KLRG1: variants seen among roughly 807,000 people sequenced by gnomAD.
The protein encoded by KLRG1 is killer cell lectin-like receptor subfamily G member 1.
Under a neutral mutation model 21.8 loss-of-function variants are expected in KLRG1, and 16 were observed. That is an observed-to-expected ratio of 0.73 (90% confidence interval 0.50 to 1.11). The LOEUF (loss-of-function observed/expected upper bound fraction) is 1.11. Ranked by LOEUF, KLRG1 falls within the 50% of genes most tolerant of loss-of-function variation. KLRG1 has a pLI of 0.00. For missense variants in KLRG1, 173 were observed against 218.3 expected, an observed-to-expected ratio of 0.79 and a Z score of 1.31; for synonymous variants, 69 against 75.9, an observed-to-expected ratio of 0.91 and a Z score of 0.47.
chr12:9,029,014 T>C, the KLRG1 span: 1 of 598,246 alleles, frequency 1.7e-6, no homozygotes, highest in Non-Finnish European at 3.1e-6. Context: ...CTCTCATTGG[T>C]TGTTTCAAAG....
intron 1 of KLRG1, among the ~76,000 whole-genome samples, chr12:8,981,029 T>A (rs1946746917): frequency 6.6e-6 from 1 of 152,248 alleles, no homozygotes; most frequent in Non-Finnish European, 1.5e-5. Flanking sequence ...TCTGTTTCAC[T>A]GAGTTGCAGC....
chr12:9,200,908 G>T, the KLRG1 span: 1 of 1,612,834 alleles, frequency 6.2e-7, no homozygotes, highest in South Asian at 1.1e-5. Flanking sequence ...CCTCCACGGT[G>T]AAGGGGTGCT....
chr12:9,090,519 G>T, the KLRG1 span: 10 of 1,604,808 alleles, frequency 6.2e-6, no homozygotes, highest in Admixed American at 1.5e-4. Context: ...AGAGAGGGAA[G>T]GAGAACAGAG....
At chr12:8,984,342 A>T (rs1359512817) in intron 1 of KLRG1, among the ~76,000 whole-genome samples, 1 of 152,164 alleles carries the variant, frequency 6.6e-6, no homozygotes, top group African/African-American at 2.4e-5. Flanking sequence ...AGCTGGGACT[A>T]TAGGCATGTG....
At chr12:9,164,394 C>T in the KLRG1 span, 3 of 962,994 alleles carry the variant, frequency 3.1e-6, no homozygotes, top group South Asian at 5.5e-5. Flanking sequence ...TAGATTCATC[C>T]ATGCTTTAAG....
chr12:9,030,009 C>G, the KLRG1 span, among the ~76,000 whole-genome samples: 2 of 152,336 alleles, frequency 1.3e-5, no homozygotes, highest in East Asian at 3.9e-4. Flanking sequence ...CTGCCTTGGC[C>G]TCCCAAAGTG....
chr12:9,104,531 A>AT, the KLRG1 span: 1 of 933,196 alleles, frequency 1.1e-6, no homozygotes. Context: ...ACAGCAGTGA[A>AT]AAAAAACGAA....
chr12:9,094,889 A>T, the KLRG1 span: 1 of 670,032 alleles, frequency 1.5e-6, no homozygotes, highest in Non-Finnish European at 2.3e-6. Flanking sequence ...TTTGTTTGTT[A>T]ATTTTTGTCA....
At chr12:9,208,807 G>T in the KLRG1 span, among the ~76,000 whole-genome samples, 1 of 152,076 alleles carries the variant, frequency 6.6e-6, no homozygotes, top group African/African-American at 2.4e-5. Flanking sequence ...TTCTTTTTTA[G>T]CAGTTGATTG....
the KLRG1 span, chr12:9,068,693 T>C: frequency 7.0e-7 from 1 of 1,427,658 alleles, no homozygotes; most frequent in Non-Finnish European, 9.7e-7. Flanking sequence ...CCTGAATTTC[T>C]GTGATCAGGA....
the KLRG1 span, among the ~76,000 whole-genome samples, chr12:9,197,280 A>T: frequency 6.6e-6 from 1 of 150,668 alleles, no homozygotes; most frequent in Non-Finnish European, 1.5e-5. Context: ...CTCCCTCAAA[A>T]ATATTAGCCA....
the KLRG1 span, chr12:9,029,060 A>G: frequency 7.6e-6 from 4 of 526,044 alleles, no homozygotes; most frequent in Non-Finnish European, 1.4e-5. Flanking sequence ...TCCGCTGGTC[A>G]GGCTCTTTAG....
chr12:9,121,331 A>G, the KLRG1 span, among the ~76,000 whole-genome samples: 1 of 152,172 alleles, frequency 6.6e-6, no homozygotes, highest in Non-Finnish European at 1.5e-5. The surrounding 1 kb of genome is among the most constrained non-coding windows in gnomAD (Gnocchi z 4.4). Flanking sequence ...TCATGAGGTC[A>G]AGAGATTGAG....
At chr12:9,061,474 C>T in the KLRG1 span, among the ~76,000 whole-genome samples, 1 of 152,018 alleles carries the variant, frequency 6.6e-6, no homozygotes, top group Non-Finnish European at 1.5e-5. Context: ...AAAGACTTTT[C>T]TTTAGAGGTA....
the KLRG1 span, among the ~76,000 whole-genome samples, chr12:9,183,404 T>C: frequency 1.0e-5 from 1 of 100,116 alleles, no homozygotes; most frequent in African/African-American, 3.0e-5. Flanking sequence ...CTTAAATAAA[T>C]GTAATTTTTT....
chr12:9,182,557 A>T, the KLRG1 span, among the ~76,000 whole-genome samples: 1 of 152,234 alleles, frequency 6.6e-6, no homozygotes, highest in African/African-American at 2.4e-5. Context: ...TGTAAAAAAA[A>T]GTTCATACTA....
At chr12:9,176,395 T>C in the KLRG1 span, among the ~76,000 whole-genome samples, 1 of 152,212 alleles carries the variant, frequency 6.6e-6, no homozygotes, top group South Asian at 2.1e-4. Flanking sequence ...CAAATCACCA[T>C]GGCACATGTT....
chr12:9,032,064 A>G, the KLRG1 span, among the ~76,000 whole-genome samples: 2 of 152,240 alleles, frequency 1.3e-5, no homozygotes, highest in Non-Finnish European at 2.9e-5. Context: ...ACTTAACCAG[A>G]TATATGGATA....
At chr12:9,032,657 G>T in the KLRG1 span, among the ~76,000 whole-genome samples, 1 of 152,152 alleles carries the variant, frequency 6.6e-6, no homozygotes, top group African/African-American at 2.4e-5. Flanking sequence ...CATTGTTCTG[G>T]AGGTCACAAG....
Sources: allele counts gnomAD v4.1 joint callset (sites outside exome capture counted in the v4.1 genomes callset), GRCh38; gene constraint gnomAD v4.1.1; non-coding constraint Gnocchi (gnomAD v3.1); transcripts MANE v1.5; gene names NCBI Gene and HGNC (gene_info 2026-07-23, HGNC 2026-07-21).